Variants in ZNF514 observed in about 807,000 individuals in gnomAD.
The protein encoded by ZNF514 is zinc finger protein 514.
ZNF514 carries 12 observed loss-of-function variants against 9.7 expected under a neutral mutation model. That is an observed-to-expected ratio of 1.24 (90% CI 0.79 to 2.01). ZNF514 has a LOEUF of 2.01. Among genes scored for constraint, ZNF514 ranks in the 30% most tolerant of loss-of-function variants. The pLI is 0.00. For synonymous variants in ZNF514, 158 were observed against 163.7 expected, an observed-to-expected ratio of 0.97 and a Z score of 0.27; for missense variants, 467 against 465.5, an observed-to-expected ratio of 1.00 and a Z score of -0.03.
chr2:95,157,505 C>A, intron 1 of ZNF514, 66 bp from the exon 2 acceptor site: 1 of 922,378 alleles, frequency 1.1e-6, no homozygotes, highest in Non-Finnish European at 1.5e-6. Flanking sequence ...TCAGACTTCC[C>A]AAGCCTGAGA....
chr2:95,133,482 T>C, the ZNF514 span, among the ~76,000 whole-genome samples: 2 of 152,082 alleles, frequency 1.3e-5, no homozygotes, highest in Non-Finnish European at 2.9e-5. Context: ...AGGAGGGAAG[T>C]GGTGTGGCTA....
At chr2:95,135,466 G>C in the ZNF514 span, among the ~76,000 whole-genome samples, 4 of 148,824 alleles carry the variant, frequency 2.7e-5, no homozygotes, top group Admixed American at 2.7e-4. Context: ...CTATTGCCCA[G>C]GCTGGAGTAC....
the ZNF514 span, among the ~76,000 whole-genome samples, chr2:95,138,901 T>C: frequency 6.6e-6 from 1 of 152,218 alleles, no homozygotes; most frequent in Admixed American, 6.5e-5. Context: ...CTAGGAGGAC[T>C]GAATGGTTTT....
In ZNF514 at chr2:95,149,095, G is replaced by T. The variant is rs1252619699; in HGVS notation, c.*187C>A. On this transcript the variant is annotated 3_prime_UTR_variant, in exon 5 of 5. Coordinates refer to ENST00000295208, the MANE Select transcript of ZNF514 (RefSeq NM_032788.3). ...ACTAGTATGGATTCTCCCATGTTTG[G>T]TAAGAGAGGGGAAGCCCACCCCCTC... 1.7e-5 allele frequency: 11 copies of T among 651,536 alleles called. No individual in the cohort carries two copies. The highest frequency in any genetic ancestry group is 2.5e-5 in the Non-Finnish European group (10 of 402,340). The allele number at this position is 651,536 out of a possible 1,614,324, so 40.4% of individuals were successfully genotyped here.
chr2:95,130,264 C>T, the ZNF514 span, among the ~76,000 whole-genome samples: 2 of 152,102 alleles, frequency 1.3e-5, no homozygotes, highest in African/African-American at 4.8e-5. Flanking sequence ...AAGTACTTAA[C>T]AAGGTAATAG....
At chr2:95,129,199 T>A in the ZNF514 span, among the ~76,000 whole-genome samples, 11 of 152,204 alleles carry the variant, frequency 7.2e-5, no homozygotes, top group Non-Finnish European at 1.5e-4. Context: ...CTCAGTGAAA[T>A]AAGCATAATT....
chr2:95,155,584 C>T (rs180954264), intron 2 of ZNF514: 7 of 152,344 alleles, frequency 4.6e-5, no homozygotes, highest in Non-Finnish European at 1.0e-4. Flanking sequence ...GATCATGATG[C>T]TCTGACTGGA....
Position 95,149,843 on chromosome 2 carries a change from G to A in ZNF514, c.642C>T (p.His214=), listed in dbSNP as rs553206949. ...CKCNECGKSF[H]FQSELRRHQR... is the part of the protein sequence containing the mutation. ...GATGGCGCCTAAGTTCTGACTGGAA[G>A]TGAAAGGACTTCCCACACTCATTAC... The change falls in exon 5 of 5, where the codon CAC becomes CAT. Residue 214 remains histidine (H), a synonymous_variant. Transcript: ENST00000295208. 6.5e-5 allele frequency: 105 copies of A among 1,614,238 alleles called. 1 individual carries two copies. The South Asian group carries it at 9.8e-4, about 15-fold the overall frequency.
intron 2 of ZNF514, 81 bp from the exon 3 acceptor site, chr2:95,153,340 G>T: frequency 6.9e-7 from 1 of 1,443,968 alleles, no homozygotes. Context: ...AGGGTCTCAG[G>T]TGAATCAGGC....
chr2:95,158,309 C>T (rs1197390331), intron 1 of ZNF514, among the ~76,000 whole-genome samples: 1 of 152,176 alleles, frequency 6.6e-6, no homozygotes, highest in African/African-American at 2.4e-5. Context: ...GGGAAGCCCA[C>T]GGACTGGGCC....
At chr2:95,131,417 C>T in the ZNF514 span, among the ~76,000 whole-genome samples, 1 of 152,252 alleles carries the variant, frequency 6.6e-6, no homozygotes, top group Non-Finnish European at 1.5e-5. Context: ...ATCTCTCCCT[C>T]TTAATACTAC....
At position 95,146,535 on chromosome 2, in the gene ZNF514, G is replaced by C. The variant is rs1423935724; in HGVS notation, c.*2747C>G. 1.3e-5 allele frequency among the ~76,000 whole-genome samples: 2 copies of C among 151,774 alleles called. No homozygotes were observed. Among genetic ancestry groups the C allele is most frequent in the African/African-American group, 4.8e-5 (2 of 41,314 alleles). On this transcript the variant is annotated 3_prime_UTR_variant, in exon 5 of 5. Coordinates refer to ENST00000295208, the MANE Select transcript of ZNF514 (RefSeq NM_032788.3). ...AAGGCATGTCTGAGGGATGACAAGA[G>C]AGCATTTGTGTGCAATGGAGGCTTC...
At chr2:95,157,732 T>G (rs976343303) in intron 1 of ZNF514, among the ~76,000 whole-genome samples, 8 of 152,346 alleles carry the variant, frequency 5.3e-5, no homozygotes, top group African/African-American at 1.9e-4. Flanking sequence ...GCATACTGTA[T>G]GCAGGTCATC....
chr2:95,156,830 A>T (rs1184614296), intron 2 of ZNF514, among the ~76,000 whole-genome samples: 2 of 152,068 alleles, frequency 1.3e-5, no homozygotes, highest in African/African-American at 4.8e-5. Context: ...ATCCAGGGAG[A>T]TAACATCTGA....
intron 1 of ZNF514, 36 bp from the exon 2 acceptor site, chr2:95,157,475 C>T (rs923475093): frequency 8.3e-7 from 1 of 1,211,154 alleles, no homozygotes; most frequent in Non-Finnish European, 1.1e-6. Flanking sequence ...GGAAGCTGAC[C>T]CAGCCAGCAC....
the ZNF514 span, among the ~76,000 whole-genome samples, chr2:95,128,748 A>G: frequency 8.0e-5 from 12 of 150,466 alleles, no homozygotes; most frequent in East Asian, 3.9e-4. Context: ...AAGGAAGAAG[A>G]AGGAGGAGAA....
chr2:95,127,228 C>T, the ZNF514 span, among the ~76,000 whole-genome samples: 2 of 152,308 alleles, frequency 1.3e-5, no homozygotes, highest in East Asian at 1.9e-4. Context: ...GCCCTTCACT[C>T]GAGGGACTCT....
chr2:95,150,296 A>G, intron 4 of ZNF514, 29 bp from the exon 5 acceptor site: 1 of 1,493,240 alleles, frequency 6.7e-7, no homozygotes, highest in East Asian at 2.3e-5. Flanking sequence ...AAAAAAGAAG[A>G]CATTCTAGTA....
Position 95,145,977 on chromosome 2 carries a change from C to T in ZNF514, c.*3305G>A, listed in dbSNP as rs937134757. On this transcript the variant is annotated 3_prime_UTR_variant, in exon 5 of 5. Coordinates refer to ENST00000295208, the MANE Select transcript of ZNF514 (RefSeq NM_032788.3). ...CCTTGGGCACATGTTCTCAGGATCTCCTGGGGCTGTGTCAGACTTGTTTCT... is the reference window on the plus strand; with the variant it reads ...CCTTGGGCACATGTTCTCAGGATCTTCTGGGGCTGTGTCAGACTTGTTTCT... 1.3e-5 allele frequency among the ~76,000 whole-genome samples: 2 copies of T among 152,116 alleles called. No homozygotes were observed. The highest frequency in any genetic ancestry group is 2.4e-5 in the African/African-American group (1 of 41,454).
Sources: gnomAD v4.1 joint callset for allele counts (sites outside exome capture counted in the v4.1 genomes callset) on GRCh38, gnomAD v4.1.1 for gene constraint, MANE v1.5 for transcripts, NCBI Gene and HGNC (gene_info 2026-07-23, HGNC 2026-07-21) for gene names.